VPS13C: variants seen among roughly 807,000 people sequenced by gnomAD.
The protein encoded by VPS13C is intermembrane lipid transfer protein VPS13C.
A neutral mutation model predicts 456.8 loss-of-function variants in VPS13C; 358 were observed. The observed-to-expected ratio is 0.78, with a 90% CI of 0.72 to 0.86. The LOEUF is 0.86. VPS13C is among the 40% of genes least tolerant of loss of function. The pLI is 0.00. For synonymous variants in VPS13C, 1,578 were observed against 1,486.7 expected, an observed-to-expected ratio of 1.06 and a Z score of -1.41; for missense variants, 4,818 against 4,385.4, an observed-to-expected ratio of 1.10 and a Z score of -2.79.
chr15:62,007,010 AAC>A (rs1362075812), intron 15 of VPS13C, among the ~76,000 whole-genome samples: 1 of 152,200 alleles, frequency 6.6e-6, no homozygotes, highest in African/African-American at 2.4e-5. Context: ...CTATCTAATA[AAC>A]ACATATTTAA....
intron 9 of VPS13C, among the ~76,000 whole-genome samples, chr15:62,019,778 G>C (rs2047389525): frequency 6.6e-6 from 1 of 151,930 alleles, no homozygotes; most frequent in Non-Finnish European, 1.5e-5. Context: ...ATTTGGGGTG[G>C]ACAGTTCTGT....
chr15:62,040,267 A>G (rs576708567), intron 3 of VPS13C, among the ~76,000 whole-genome samples: 14 of 152,286 alleles, frequency 9.2e-5, no homozygotes, highest in African/African-American at 3.4e-4. Flanking sequence ...GATAAAATGA[A>G]TAAGACCCAG....
Position 61,890,243 on chromosome 15 carries a change from G to C in VPS13C, c.9263C>G (p.Thr3088Ser), listed in dbSNP as rs745656828. The change falls in exon 67 of 85, where the codon ACC becomes AGC. Residue 3088 changes from threonine (T) to serine (S), a missense_variant. Physicochemically the swap from Thr to Ser is moderately conservative, Grantham distance 58. Around this residue, in one of 3 missense-constraint regions of VPS13C, gnomAD observed 4,552 missense variants for 4,130.6 expected, o/e 1.10. Coordinates refer to ENST00000644861, the MANE Select transcript of VPS13C (RefSeq NM_020821.3). ...EEMEQADYEI[T>S]LSLHSLGLSL... is the part of the protein sequence containing the mutation. Reference sequence around the variant, plus strand: ...AAGCCCAAGACTGTGGAGAGACAAGGTTATTTCATAATCAGCCTGTTCCAT... The same window carrying C: ...AAGCCCAAGACTGTGGAGAGACAAGCTTATTTCATAATCAGCCTGTTCCAT... 6.2e-7 allele frequency: 1 copy of C among 1,614,066 alleles called. No homozygotes were observed. Among genetic ancestry groups the C allele is most frequent in the South Asian group, 1.1e-5 (1 of 91,084 alleles).
chr15:62,056,983 G>T (rs1294731055), intron 1 of VPS13C, among the ~76,000 whole-genome samples: 1 of 152,004 alleles, frequency 6.6e-6, no homozygotes, highest in African/African-American at 2.4e-5. Flanking sequence ...AAATAACAGC[G>T]CAGCCAGACA....
intron 21 of VPS13C, 39 bp from the exon 22 acceptor site, chr15:61,981,517 G>A (rs1459419502): frequency 2.0e-6 from 3 of 1,529,320 alleles, no homozygotes; most frequent in Non-Finnish European, 2.6e-6. Flanking sequence ...AGATGGTCAA[G>A]TTGAAATATG....
Position 61,954,543 on chromosome 15 carries a change from C to T in VPS13C, c.4177G>A (p.Glu1393Lys). 6.3e-7 allele frequency: 1 copy of T among 1,575,846 alleles called. No individual in the cohort carries two copies. The highest frequency in any genetic ancestry group is 2.0e-5 in the Admixed American group (1 of 48,910). The part of the protein sequence containing the change: ...PRVQETGEIK[E>K]PLEISISQDV... ...TGTGATATAGAGATTTCAAGGGGCT[C>T]TTTAATTTCACCTGAAATGTTTAAA... Residue 1393 changes from glutamate to lysine, a missense_variant, in exon 38 of 85, where the codon GAG becomes AAG. Around this residue, in one of 3 missense-constraint regions of VPS13C, gnomAD observed 4,552 missense variants for 4,130.6 expected, o/e 1.10. Transcript: ENST00000644861.
Position 61,931,191 on chromosome 15 carries a change from G to T in VPS13C, c.5937C>A (p.Ser1979=), listed in dbSNP as rs746949259. 2 of 1,614,124 alleles carry T rather than the reference G, an allele frequency of 1.2e-6. No individual in the cohort carries two copies. Among genetic ancestry groups the T allele is most frequent in the Non-Finnish European group, 8.5e-7 (1 of 1,180,034 alleles). ...AGCCATCCTTAAACATCTTCCCTGA[G>T]GAGGCCATAAGATGTAGTCTGAGTT... ...LGELRLHLMA[S]SGKMFKDGSM... The change falls in exon 50 of 85, where the codon TCC becomes TCA. Residue 1979 remains serine, a synonymous_variant. Coordinates refer to ENST00000644861, the MANE Select transcript of VPS13C (RefSeq NM_020821.3).
At chr15:61,975,643 T>C (rs2045680544) in intron 24 of VPS13C, among the ~76,000 whole-genome samples, 1 of 152,010 alleles carries the variant, frequency 6.6e-6, no homozygotes, top group Non-Finnish European at 1.5e-5. Context: ...TAAATACCTC[T>C]CAAAATGAAA....
intron 29 of VPS13C, among the ~76,000 whole-genome samples, chr15:61,967,032 C>T (rs1269956003): frequency 6.6e-6 from 1 of 151,832 alleles, no homozygotes; most frequent in Non-Finnish European, 1.5e-5. Flanking sequence ...TTTAATATGA[C>T]TTTATCCTTT....
At chr15:61,998,814 C>G (rs1397811474) in intron 16 of VPS13C, among the ~76,000 whole-genome samples, 1 of 152,112 alleles carries the variant, frequency 6.6e-6, no homozygotes. Flanking sequence ...CCTCTGCTAC[C>G]CCTGAGACAA....
At position 62,010,498 on chromosome 15, in the gene VPS13C, T is replaced by C. The variant is rs2140505573; in HGVS notation, c.985A>G (p.Ile329Val). Reference protein sequence around the residue: ...KLDCNIEIQNIAIELTKPQYL... With the variant: ...KLDCNIEIQNVAIELTKPQYL... ...TGAGGTTTGGTCAGTTCAATGGCAA[T>C]ATTTTGTATTTCTATGTTGCAATCC... The change falls in exon 13 of 85, where the codon ATT becomes GTT. Residue 329 changes from isoleucine (I) to valine (V), a missense_variant. Ile to Val is a conservative substitution (Grantham distance 29). Coordinates refer to ENST00000644861, the MANE Select transcript of VPS13C (RefSeq NM_020821.3). The C allele has an allele frequency of 6.2e-7, 1 of 1,613,136 alleles. No homozygotes were observed. The highest frequency in any genetic ancestry group is 1.1e-5 in the South Asian group (1 of 90,956).
chr15:61,995,098 C>A lies in VPS13C; in HGVS notation c.1354-3296G>T, dbSNP rs1398971602. Among the ~76,000 whole-genome samples, 3 of 152,200 alleles carry A rather than the reference C, an allele frequency of 2.0e-5. No homozygotes were observed. The East Asian group carries it at 5.8e-4, about 29-fold the overall frequency. On this transcript the variant is annotated intron_variant, in intron 16 of 84. Coordinates refer to ENST00000644861, the MANE Select transcript of VPS13C (RefSeq NM_020821.3). The stretch of plus-strand genomic sequence containing the variant: ...TCTCCCATTCCCAGTCGTTCATGCT[C>A]TCTCATTCCTATCAAGCTTCTGCCC...
At chr15:61,866,095 A>G (rs1894570312) in intron 81 of VPS13C, 1 of 984,822 alleles carries the variant, frequency 1.0e-6, no homozygotes, top group African/African-American at 1.7e-5. Context: ...CAGTCTAAAT[A>G]ATCAATAAAT....
At chr15:61,996,929 T>C (rs886320779) in intron 16 of VPS13C, among the ~76,000 whole-genome samples, 1 of 150,260 alleles carries the variant, frequency 6.7e-6, no homozygotes, top group African/African-American at 2.5e-5. Flanking sequence ...CACATATATC[T>C]TATATATGAA....
intron 15 of VPS13C, 36 bp downstream of exon 15, chr15:62,007,272 C>G: frequency 7.2e-7 from 1 of 1,380,112 alleles, no homozygotes; most frequent in Non-Finnish European, 9.6e-7. Context: ...GATGATTAGA[C>G]AAATAATAGC....
At chr15:61,880,756 A>AT (rs761062092) in intron 72 of VPS13C, 34 bp from the exon 73 acceptor site, 3 of 1,536,888 alleles carry the variant, frequency 2.0e-6, no homozygotes, top group South Asian at 2.5e-5. Context: ...TTCTATTTTA[A>AT]TTTTTTTCTC....
intron 64 of VPS13C, 50 bp from the exon 65 acceptor site, chr15:61,909,175 C>T (rs745357502): frequency 9.4e-6 from 15 of 1,593,640 alleles, no homozygotes; most frequent in African/African-American, 2.7e-5. Flanking sequence ...TTAATCTACA[C>T]TTACATATGG....
chr15:61,923,695 G>C (rs1351024753), intron 53 of VPS13C, among the ~76,000 whole-genome samples: 2 of 149,710 alleles, frequency 1.3e-5, no homozygotes, highest in Admixed American at 1.3e-4. Flanking sequence ...AAAATGTAAA[G>C]GGATATAATT....
chr15:61,999,035 G>A (rs1006305725), intron 16 of VPS13C, among the ~76,000 whole-genome samples: 1 of 152,090 alleles, frequency 6.6e-6, no homozygotes, highest in Non-Finnish European at 1.5e-5. Flanking sequence ...TTATCAATAA[G>A]GCTTTTGGTT....
Sources: gnomAD v4.1 joint callset for allele counts (sites outside exome capture counted in the v4.1 genomes callset) on GRCh38, gnomAD v4.1.1 for gene constraint, gnomAD v4.1.1 regional missense constraint, MANE v1.5 for transcripts, NCBI Gene and HGNC (gene_info 2026-07-23, HGNC 2026-07-21) for gene names.